Variants in GRM1 observed in about 807,000 individuals in gnomAD.
The protein encoded by GRM1 is metabotropic glutamate receptor 1.
Under a neutral mutation model 90.9 loss-of-function variants are expected in GRM1, and 33 were observed. The observed-to-expected ratio is 0.36, with a 90% confidence interval of 0.28 to 0.49. GRM1 has a LOEUF of 0.49. GRM1 is among the 20% of genes least tolerant of loss of function. GRM1 has a pLI of 0.99. For missense variants in GRM1, 1,190 were observed against 1,534.3 expected, an observed-to-expected ratio of 0.78 and a Z score of 3.75; for synonymous variants, 700 against 613.2, an observed-to-expected ratio of 1.14 and a Z score of -2.09.
At chr6:146,182,638 ACTT>A (rs1778591040) in intron 2 of GRM1, among the ~76,000 whole-genome samples, 2 of 152,260 alleles carry the variant, frequency 1.3e-5, no homozygotes, top group East Asian at 1.9e-4. Context: ...TCTCACAAAG[ACTT>A]CTTAGGTTGG....
chr6:146,206,279 G>A (rs1779490039), intron 2 of GRM1, among the ~76,000 whole-genome samples: 1 of 152,098 alleles, frequency 6.6e-6, no homozygotes, highest in Non-Finnish European at 1.5e-5. Context: ...GATAGGGAAG[G>A]CAATTTTATT....
At chr6:146,254,062 A>G (rs1781395354) in intron 2 of GRM1, among the ~76,000 whole-genome samples, 1 of 152,074 alleles carries the variant, frequency 6.6e-6, no homozygotes. Flanking sequence ...TTTGATTCTG[A>G]GTATAAACAA....
Position 146,433,862 on chromosome 6 carries a change from T to C in GRM1, c.2661-10T>C. Reference sequence around the variant, plus strand: ...ATCTGCAAATAAATCCATCTCTATTTTATTCATAGTTCTAATGGCAAGTCT... The same window carrying C: ...ATCTGCAAATAAATCCATCTCTATTCTATTCATAGTTCTAATGGCAAGTCT... On this transcript the variant is annotated splice_polypyrimidine_tract_variant and intron_variant, in intron 7 of 7. Transcript: ENST00000282753. 2.5e-6 allele frequency: 4 copies of C among 1,582,128 alleles called. No individual in the cohort carries two copies. The highest frequency in any genetic ancestry group is 3.5e-6 in the Non-Finnish European group (4 of 1,150,892).
intron 3 of GRM1, among the ~76,000 whole-genome samples, chr6:146,305,484 G>A (rs1783543767): frequency 6.6e-6 from 1 of 152,130 alleles, no homozygotes; most frequent in Admixed American, 6.6e-5. Flanking sequence ...CCATAACCCA[G>A]ATTCTGAAAA....
chr6:146,120,331 T>G (rs564816572), intron 1 of GRM1, among the ~76,000 whole-genome samples: 1 of 152,188 alleles, frequency 6.6e-6, no homozygotes, highest in African/African-American at 2.4e-5. Flanking sequence ...CTTAAGGAGA[T>G]TTTGGGCTGA....
intron 3 of GRM1, among the ~76,000 whole-genome samples, chr6:146,330,348 T>C (rs1453778146): frequency 6.6e-6 from 1 of 152,218 alleles, no homozygotes; most frequent in African/African-American, 2.4e-5. Flanking sequence ...ATTGGTGTAT[T>C]TTTAATGAGT....
chr6:146,292,916 G>A (rs1437014325), intron 2 of GRM1, among the ~76,000 whole-genome samples: 1 of 151,900 alleles, frequency 6.6e-6, no homozygotes, highest in Non-Finnish European at 1.5e-5. Context: ...ATACTGATAC[G>A]ATGTAATACT....
intron 7 of GRM1, among the ~76,000 whole-genome samples, chr6:146,402,729 C>T (rs1433390575): frequency 6.6e-6 from 1 of 152,180 alleles, no homozygotes; most frequent in Admixed American, 6.5e-5. Context: ...AGTCCAACGG[C>T]ATTCTCATGA....
At chr6:146,149,238 G>C (rs1366509630) in intron 1 of GRM1, among the ~76,000 whole-genome samples, 1 of 152,060 alleles carries the variant, frequency 6.6e-6, no homozygotes, top group Non-Finnish European at 1.5e-5. Context: ...AACACTAAAA[G>C]CCCCAAAATA....
chr6:146,330,968 G>A (rs1454446082), intron 3 of GRM1, among the ~76,000 whole-genome samples: 1 of 152,138 alleles, frequency 6.6e-6, no homozygotes, highest in Non-Finnish European at 1.5e-5. Flanking sequence ...ATAACAGCAA[G>A]CTAAGCTGAA....
chr6:146,352,701 AC>A (rs1785450312), intron 4 of GRM1, among the ~76,000 whole-genome samples: 1 of 152,036 alleles, frequency 6.6e-6, no homozygotes, highest in Non-Finnish European at 1.5e-5. Context: ...CTTTTTCAAC[AC>A]CCAATACCCA....
intron 3 of GRM1, among the ~76,000 whole-genome samples, chr6:146,349,070 A>ATTATTATTT (rs1785286546): frequency 6.8e-6 from 1 of 147,038 alleles, no homozygotes; most frequent in South Asian, 2.1e-4. Flanking sequence ...TATTATTATT[A>ATTATTATTT]TTATTATTAT....
intron 7 of GRM1, among the ~76,000 whole-genome samples, chr6:146,418,299 G>A (rs1777859356): frequency 1.3e-5 from 2 of 151,878 alleles, no homozygotes; most frequent in South Asian, 4.2e-4. Context: ...CTGGGGTAAA[G>A]CTAAGAGGAA....
chr6:146,159,641 T>TCTCTCTCTCACACACACACA lies in GRM1; in HGVS notation c.950+45_950+46insTCTCTCTCACACACACACAC. ...CTCTCTCTCTCTCTCTCTCTCTCTC[T>TCTCTCTCTCACACACACACA]CACACACACACATGCACACACACAC... is the stretch of plus-strand genomic sequence containing the variant. On this transcript the variant is annotated intron_variant, in intron 2 of 7. Transcript: ENST00000282753. 7 of 726,962 alleles carry TCTCTCTCTCACACACACACA rather than the reference T, an allele frequency of 9.6e-6. No individual in the cohort carries two copies. The East Asian group carries it at 2.4e-4, about 25-fold the overall frequency. The allele number at this position is 726,962 out of a possible 1,614,324, so 45.0% of individuals were successfully genotyped here.
chr6:146,073,539 A>T (rs1776084981), intron 1 of GRM1, among the ~76,000 whole-genome samples: 1 of 152,214 alleles, frequency 6.6e-6, no homozygotes, highest in African/African-American at 2.4e-5. Flanking sequence ...ACACAACCAT[A>T]TACAAATATA....
chr6:146,262,194 T>C (rs1289424147), intron 2 of GRM1, among the ~76,000 whole-genome samples: 1 of 152,020 alleles, frequency 6.6e-6, no homozygotes, highest in Non-Finnish European at 1.5e-5. Flanking sequence ...GAAAAACAGT[T>C]TGTTGTTATC....
intron 1 of GRM1, among the ~76,000 whole-genome samples, chr6:146,110,225 A>G (rs1775503464): frequency 6.6e-6 from 1 of 152,162 alleles, no homozygotes; most frequent in South Asian, 2.1e-4. Context: ...CTTGAATTGT[A>G]GCTCCTGCTG....
chr6:146,120,344 C>T (rs531990412), intron 1 of GRM1, among the ~76,000 whole-genome samples: 21 of 152,242 alleles, frequency 1.4e-4, no homozygotes, highest in East Asian at 3.9e-4. Flanking sequence ...TGGGCTGAGA[C>T]GATGGGGTTT....
rs530747568 is a variant in GRM1, at chr6:146,032,290, T to C, written c.700+2073T>C. Reference sequence around the variant, plus strand: ...AACAGCATCATAGAAATATGTGGGGTTTATTTTATTACCAAGCAGTTACAC... The same window carrying C: ...AACAGCATCATAGAAATATGTGGGGCTTATTTTATTACCAAGCAGTTACAC... On this transcript the variant is annotated intron_variant, in intron 1 of 7. Coordinates refer to ENST00000282753, the MANE Select transcript of GRM1 (RefSeq NM_001278064.2). 2.0e-5 allele frequency among the ~76,000 whole-genome samples: 3 copies of C among 152,264 alleles called. No homozygotes were observed. In the South Asian group the frequency reaches 6.2e-4, roughly 32 times the overall value.
Sources: gnomAD v4.1 joint callset for allele counts (sites outside exome capture counted in the v4.1 genomes callset) on GRCh38, gnomAD v4.1.1 for gene constraint, MANE v1.5 for transcripts, NCBI Gene and HGNC (gene_info 2026-07-23, HGNC 2026-07-21) for gene names.